The following ZNF628 variants were observed in gnomAD, a reference collection of about 807,000 sequenced individuals.
ZNF628 encodes zinc finger protein 628, also known as zinc finger protein Zec.
A neutral mutation model predicts 2.5 loss-of-function variants in ZNF628; 3 were observed. The observed-to-expected ratio is 1.19, with a 90% CI of 0.54 to 3.07. The LOEUF is 3.07. Ranked by LOEUF, ZNF628 falls within the 30% of genes most tolerant of loss-of-function variation. The pLI is 0.03. For missense variants in ZNF628, 1,610 were observed against 1,517.1 expected, an observed-to-expected ratio of 1.06 and a Z score of -1.02; for synonymous variants, 861 against 717.1, an observed-to-expected ratio of 1.20 and a Z score of -3.21.
In ZNF628 at chr19:55,483,166, C is replaced by T. The variant is rs759511441; in HGVS notation, c.1973C>T (p.Ala658Val). The T allele has an allele frequency of 1.8e-5, 28 of 1,552,540 alleles. No homozygotes were observed. The African/African-American group carries it at 3.5e-4, about 20-fold the overall frequency. Residue 658 changes from alanine (A) to valine (V), a missense_variant, in exon 3 of 3, where the codon GCC becomes GTC. By Grantham distance (64) the Ala-to-Val change is moderately conservative. Coordinates refer to ENST00000598519, the MANE Select transcript of ZNF628 (RefSeq NM_033113.3). ...NTPPSTTAPA[A>V]GPQPPAPLAA... ...CCTCCCAGCACCACAGCCCCTGCCG[C>T]CGGCCCCCAGCCCCCTGCTCCACTG...
chr19:55,478,781 G>T (rs1057119454), intron 1 of ZNF628, among the ~76,000 whole-genome samples: 3 of 152,220 alleles, frequency 2.0e-5, no homozygotes, highest in African/African-American at 4.8e-5. Context: ...CCTGGAAGGG[G>T]AATCTGCGGA....
In ZNF628 at chr19:55,479,136, G is replaced by A. The variant is rs1986636329; in HGVS notation, c.-77-698G>A. On this transcript the variant is annotated intron_variant, in intron 1 of 2. Transcript: ENST00000598519. The surrounding 1 kb of genome is among the most constrained non-coding windows in gnomAD (Gnocchi z 5.1). The stretch of plus-strand genomic sequence containing the variant: ...AGCCCCGGGCGCTCCCACATCTAGA[G>A]GTCAGGGAGGTGAGAAGGAACCAAG... Among the ~76,000 whole-genome samples the A allele has an allele frequency of 6.6e-6, 1 of 152,136 alleles. No individual in the cohort carries two copies. The highest frequency in any genetic ancestry group is 2.4e-5 in the African/African-American group (1 of 41,434).
rs1203879345 is a variant in ZNF628 at position 55,484,010 on chromosome 19, G to C, written c.2817G>C (p.Leu939=). The C allele has an allele frequency of 6.3e-7, 1 of 1,591,376 alleles. No individual in the cohort carries two copies. The highest frequency in any genetic ancestry group is 1.7e-5 in the Admixed American group (1 of 57,744). Residue 939 remains leucine, a synonymous_variant, in exon 3 of 3, where the codon CTG becomes CTC. Transcript: ENST00000598519. ...TDEGLQSVLV[L]SGADGEQTRL... is the part of the protein sequence containing the mutation. ...AGGGCTTGCAGAGCGTGCTGGTGCT[G>C]AGCGGGGCCGATGGCGAACAGACTC... is the stretch of plus-strand genomic sequence containing the variant.
At position 55,481,538 on chromosome 19, in the gene ZNF628, C is replaced by T. The variant is rs965160438; in HGVS notation, c.345C>T (p.Thr115=). The change falls in exon 3 of 3, where the codon ACC becomes ACT. Residue 115 remains threonine (T), a synonymous_variant. Coordinates refer to ENST00000598519, the MANE Select transcript of ZNF628 (RefSeq NM_033113.3). ...TGCAGATCCACCGTAGCGTGCACAC[C>T]GGCCTGCGGGCCTTCATCTGCGGCC... ...SLLQIHRSVH[T]GLRAFICGQC... is the part of the protein sequence containing the mutation. 13 of 1,613,082 alleles carry T rather than the reference C, an allele frequency of 8.1e-6. No individual in the cohort carries two copies. Among genetic ancestry groups the T allele is most frequent in the African/African-American group, 4.0e-5 (3 of 74,760 alleles).
In ZNF628 at chr19:55,484,029, C is replaced by T; in HGVS notation, c.2836C>T (p.Gln946Ter). The change falls in exon 3 of 3, where the codon CAG (glutamine) becomes TAG (stop). Residue 946 changes from glutamine (Q) to a stop codon, truncating the protein, a stop_gained. Transcript: ENST00000598519. LOFTEE classifies it low-confidence loss of function (END_TRUNC). ...GGTGCTGAGCGGGGCCGATGGCGAA[C>T]AGACTCGACTCTGCGTACAGGAGGT... ...VLVLSGADGE[Q>*]TRLCVQEVET... 1 of 1,595,448 alleles carries T rather than the reference C, an allele frequency of 6.3e-7. No homozygotes were observed. The highest frequency in any genetic ancestry group is 1.1e-5 in the South Asian group (1 of 88,174).
In ZNF628 at chr19:55,478,662, A is replaced by G. The variant is rs143269488; in HGVS notation, c.-77-1172A>G. Among the ~76,000 whole-genome samples the G allele has an allele frequency of 9.2e-3, 1,408 of 152,318 alleles. 27 individuals carry two copies. Among genetic ancestry groups the G allele is most frequent in the African/African-American group, 0.031 (1,293 of 41,566 alleles). Reference sequence around the variant, plus strand: ...GACGGGTGGGCAGGGCACGGGTGGAAACACGGCGATCCGTGGGGAGGCTGT... The same window carrying G: ...GACGGGTGGGCAGGGCACGGGTGGAGACACGGCGATCCGTGGGGAGGCTGT... On this transcript the variant is annotated intron_variant, in intron 1 of 2. Transcript: ENST00000598519.
Position 55,482,880 on chromosome 19 carries a change from G to A in ZNF628, c.1687G>A (p.Glu563Lys). The A allele has an allele frequency of 6.2e-7, 1 of 1,603,720 alleles. No individual in the cohort carries two copies. Among genetic ancestry groups the A allele is most frequent in the South Asian group, 1.1e-5 (1 of 90,520 alleles). The change falls in exon 3 of 3, where the codon GAG becomes AAG. Residue 563 changes from glutamate (E) to lysine (K), a missense_variant. Physicochemically the swap from Glu to Lys is moderately conservative, Grantham distance 56. Transcript: ENST00000598519. ...LRRHRHVHTGERPHACGVCGK... is the reference protein window; with the variant it reads ...LRRHRHVHTGKRPHACGVCGK... Reference sequence around the variant, plus strand: ...TCGCCACCGCCACGTGCACACTGGCGAGAGGCCCCACGCCTGCGGTGTCTG... The same window carrying A: ...TCGCCACCGCCACGTGCACACTGGCAAGAGGCCCCACGCCTGCGGTGTCTG...
chr19:55,482,738 C>G lies in ZNF628; in HGVS notation c.1545C>G (p.Cys515Trp). The stretch of plus-strand genomic sequence containing the variant: ...TGCGGGCCTTCACCTGTGGCCAGTG[C>G]GGCCTCACCTTCAAGTGGTCGTCCC... ...TGLRAFTCGQCGLTFKWSSHY... is the reference protein window; with the variant it reads ...TGLRAFTCGQWGLTFKWSSHY... Residue 515 changes from cysteine to tryptophan, a missense_variant, in exon 3 of 3, where the codon TGC becomes TGG. Transcript: ENST00000598519. The G allele has an allele frequency of 6.2e-7, 1 of 1,612,390 alleles. No individual in the cohort carries two copies. Among genetic ancestry groups the G allele is most frequent in the South Asian group, 1.1e-5 (1 of 91,030 alleles).
rs1340099165 is a variant in ZNF628 at position 55,481,569 on chromosome 19, G to A, written c.376G>A (p.Gly126Ser). The A allele has an allele frequency of 6.2e-7, 1 of 1,613,248 alleles. No individual in the cohort carries two copies. Among genetic ancestry groups the A allele is most frequent in the Admixed American group, 1.7e-5 (1 of 59,974 alleles). The change falls in exon 3 of 3, where the codon GGC becomes AGC. Residue 126 changes from glycine (G) to serine (S), a missense_variant. Transcript: ENST00000598519. ...GCGGGCCTTCATCTGCGGCCAGTGC[G>A]GCCTGGCCTTCAAGTGGTCGTCCCA... ...GLRAFICGQC[G>S]LAFKWSSHYQ...
Position 55,481,943 on chromosome 19 carries a change from C to G in ZNF628, c.750C>G (p.Phe250Leu), listed in dbSNP as rs12972780. ...AGTCCCGGGAGCCCGGCAAGGTCTT[C>G]GTGTGCGACGCCTACCTGCAGCGGC... ...PPQSREPGKV[F>L]VCDAYLQRHL... Residue 250 changes from phenylalanine to leucine, a missense_variant, in exon 3 of 3, where the codon TTC becomes TTG. Physicochemically the swap from Phe to Leu is conservative, Grantham distance 22. This residue lies in a region of ZNF628 where 651 missense variants were observed against 575.6 expected (regional missense o/e 1.13). Coordinates refer to ENST00000598519, the MANE Select transcript of ZNF628 (RefSeq NM_033113.3). The G allele has an allele frequency of 6.1e-6, 9 of 1,475,806 alleles. No homozygotes were observed. Among genetic ancestry groups the G allele is most frequent in the Non-Finnish European group, 6.3e-6 (7 of 1,119,910 alleles). 91.4% of individuals were successfully genotyped at this position (1,475,806 alleles called of 1,614,324 possible).
At chr19:55,480,248 C>CTT (rs1986664826) in intron 2 of ZNF628, among the ~76,000 whole-genome samples, 1 of 49,972 alleles carries the variant, frequency 2.0e-5, no homozygotes, top group Non-Finnish European at 4.2e-5. Flanking sequence ...CTTTTTTTTT[C>CTT]CTTTTTTTTT....
chr19:55,480,321 C>T (rs1014762244), intron 2 of ZNF628, among the ~76,000 whole-genome samples: 2 of 144,286 alleles, frequency 1.4e-5, no homozygotes, highest in Non-Finnish European at 3.0e-5. Context: ...TCTCGGCTTA[C>T]TGCAACCTCC....
Position 55,482,838 on chromosome 19 carries a change from A to T in ZNF628, c.1645A>T (p.Asn549Tyr). The change falls in exon 3 of 3, where the codon AAC becomes TAC. Residue 549 changes from asparagine to tyrosine, a missense_variant. Asn to Tyr is a moderately radical substitution (Grantham distance 143, BLOSUM62 -2). This residue lies in a region of ZNF628 where 651 missense variants were observed against 575.6 expected (regional missense o/e 1.13). Coordinates refer to ENST00000598519, the MANE Select transcript of ZNF628 (RefSeq NM_033113.3). ...CGGGGAGTGTGGCAAGGCCTTCCGC[A>T]ACACGTCGTGCCTGCGTCGCCACCG... ...ACGECGKAFR[N>Y]TSCLRRHRHV... 1 of 1,601,850 alleles carries T rather than the reference A, an allele frequency of 6.2e-7. No individual in the cohort carries two copies. Among genetic ancestry groups the T allele is most frequent in the Non-Finnish European group, 8.5e-7 (1 of 1,172,006 alleles).
intron 1 of ZNF628, 56 bp downstream of exon 1, chr19:55,476,863 CA>C (rs1196642152): frequency 1.1e-4 from 1 of 9,358 alleles, no homozygotes; most frequent in African/African-American, 4.5e-4. Context: ...GGAGAAGTTG[CA>C]GGGGGTGGGG....
chr19:55,482,178 C>A lies in ZNF628; in HGVS notation c.985C>A (p.Pro329Thr), dbSNP rs779300535. The A allele has an allele frequency of 6.7e-6, 10 of 1,494,790 alleles. No homozygotes were observed. The highest frequency in any genetic ancestry group is 8.9e-6 in the Non-Finnish European group (10 of 1,127,094). The allele number at this position is 1,494,790 out of a possible 1,614,324, so 92.6% of individuals were successfully genotyped here. The stretch of plus-strand genomic sequence containing the variant: ...TGCGGCGCCCCAGCCCCAGGAGGCA[C>A]CCGCCGAGGCGCCCAAGGCCGACCA... ...PDAAPQPQEA[P>T]AEAPKADQPP... The change falls in exon 3 of 3, where the codon CCC becomes ACC. Residue 329 changes from proline to threonine, a missense_variant. Around this residue, in one of 5 missense-constraint regions of ZNF628, gnomAD observed 651 missense variants for 575.6 expected, o/e 1.13. Transcript: ENST00000598519.
rs532625925 is a variant in ZNF628, at chr19:55,479,729, C to A, written c.-77-105C>A. ...TAACCCCAAATGCCTCCAGGCATTG[C>A]GGGATGTCCCCTGGGTTGAAGGCAC... On this transcript the variant is annotated intron_variant, in intron 1 of 2. Transcript: ENST00000598519. The surrounding 1 kb of genome is among the most constrained non-coding windows in gnomAD (Gnocchi z 5.1). 2.6e-6 allele frequency: 1 copy of A among 388,288 alleles called. No homozygotes were observed. Among genetic ancestry groups the A allele is most frequent in the East Asian group, 3.6e-5 (1 of 27,498 alleles). 24.1% of individuals were successfully genotyped at this position (388,288 alleles called of 1,614,324 possible).
Position 55,481,663 on chromosome 19 carries a change from TC to T in ZNF628, c.471del (p.Phe157LeufsTer270). 1 of 1,613,224 alleles carries T rather than the reference TC, an allele frequency of 6.2e-7. No homozygotes were observed. On this transcript the variant is annotated frameshift_variant, in exon 3 of 3. Coordinates refer to ENST00000598519, the MANE Select transcript of ZNF628 (RefSeq NM_033113.3). LOFTEE classifies it low-confidence loss of function (END_TRUNC). ...CCGTGCCCGGACTGCCCCAAGGCCT[TC>T]AAGAACTCGTCCAGCCTGCGGCGCC... The part of the protein sequence containing the change: ...PYPCPDCPKA[F>X]KNSSSLRRHR...
chr19:55,484,060 C>T lies in ZNF628; in HGVS notation c.2867C>T (p.Thr956Ile), dbSNP rs1245992511. 1.9e-6 allele frequency: 3 copies of T among 1,593,952 alleles called. No homozygotes were observed. The South Asian group carries it at 3.4e-5, about 18-fold the overall frequency. ...CGACTCTGCGTACAGGAGGTAGAAA[C>T]ACTTCCTCCTGGGCTGACGGAGCCG... ...QTRLCVQEVE[T>I]LPPGLTEPPA... The change falls in exon 3 of 3, where the codon ACA (threonine) becomes ATA (isoleucine). Residue 956 changes from threonine (T) to isoleucine (I), a missense_variant. Thr to Ile is a moderately conservative substitution (Grantham distance 89, BLOSUM62 -1). This residue lies in a region of ZNF628 where 712 missense variants were observed against 603.6 expected (regional missense o/e 1.18). Coordinates refer to ENST00000598519, the MANE Select transcript of ZNF628 (RefSeq NM_033113.3).
rs1441054657 is a variant in ZNF628, at chr19:55,482,518, C to T, written c.1325C>T (p.Pro442Leu). ...PLAPAAPVPPPPPSAPASAER... is the reference protein window; with the variant it reads ...PLAPAAPVPPLPPSAPASAER... ...GCGCCTGCCGCCCCCGTCCCGCCGC[C>T]ACCCCCGTCCGCCCCCGCTTCTGCG... The change falls in exon 3 of 3, where the codon CCA becomes CTA. Residue 442 changes from proline (P) to leucine (L), a missense_variant. By Grantham distance (98) the Pro-to-Leu change is moderately conservative. Transcript: ENST00000598519. The T allele has an allele frequency of 4.7e-6, 7 of 1,478,530 alleles. No individual in the cohort carries two copies. The highest frequency in any genetic ancestry group is 1.3e-5 in the South Asian group (1 of 76,562). The allele number at this position is 1,478,530 out of a possible 1,614,324, so 91.6% of individuals were successfully genotyped here. A position where few individuals can be genotyped will look rare whatever the true frequency, so the allele number is the denominator to read the frequency against.
Sources: allele counts gnomAD v4.1 joint callset (sites outside exome capture counted in the v4.1 genomes callset), GRCh38; gene constraint gnomAD v4.1.1; regional missense constraint gnomAD v4.1.1; non-coding constraint Gnocchi (gnomAD v3.1); transcripts MANE v1.5; gene names NCBI Gene and HGNC (gene_info 2026-07-23, HGNC 2026-07-21).